The following FRMD4A variants were observed in gnomAD, a reference collection of about 807,000 sequenced individuals.
FRMD4A encodes FERM domain containing 4A, also known as FERM domain-containing protein 4A.
FRMD4A carries 29 observed loss-of-function variants against 129.1 expected under a neutral mutation model. The observed-to-expected ratio is 0.22, with a 90% CI of 0.17 to 0.31. The LOEUF is 0.31. FRMD4A is among the 10% of genes least tolerant of loss of function. The pLI is 1.00. For missense variants in FRMD4A, 1,272 were observed against 1,375.8 expected, an observed-to-expected ratio of 0.92 and a Z score of 1.19; for synonymous variants, 634 against 571.6, an observed-to-expected ratio of 1.11 and a Z score of -1.56.
intron 3 of FRMD4A, among the ~76,000 whole-genome samples, chr10:13,829,666 T>C (rs2093759304): frequency 1.3e-5 from 2 of 152,218 alleles, no homozygotes; most frequent in Non-Finnish European, 2.9e-5. Context: ...GTTTCAGGGC[T>C]GTCTTTCACC....
intron 3 of FRMD4A, among the ~76,000 whole-genome samples, chr10:13,853,697 G>T (rs781045657): frequency 1.6e-4 from 25 of 151,994 alleles, no homozygotes; most frequent in Non-Finnish European, 2.9e-4. Flanking sequence ...GCTGGGCATG[G>T]TGATGCAGGC....
At chr10:14,012,896 C>A (rs531553225) in intron 2 of FRMD4A, among the ~76,000 whole-genome samples, 1 of 152,168 alleles carries the variant, frequency 6.6e-6, no homozygotes, top group East Asian at 1.9e-4. Flanking sequence ...TAAATAAACT[C>A]ATTTTCATTG....
chr10:13,713,698 A>AGAGGAC lies in FRMD4A; in HGVS notation c.760-6586_760-6585insGTCCTC, dbSNP rs1473670309. On this transcript the variant is annotated intron_variant, in intron 12 of 24. Coordinates refer to ENST00000357447, the MANE Select transcript of FRMD4A (RefSeq NM_018027.5). ...CTGTGCTCTCAGAGGACTGGATCCC[A>AGAGGAC]TGTGCCCTGGTAAGGTTTTGCTATT... Among the ~76,000 whole-genome samples the AGAGGAC allele has an allele frequency of 4.6e-5, 7 of 150,834 alleles. No individual in the cohort carries two copies. In the East Asian group the frequency reaches 1.4e-3, roughly 29 times the overall value.
At chr10:13,707,906 C>T in intron 12 of FRMD4A, 1 of 985,104 alleles carries the variant, frequency 1.0e-6, no homozygotes, top group Non-Finnish European at 1.2e-6. Context: ...GAGAAGCTGA[C>T]TGTAATGTTT....
intron 2 of FRMD4A, among the ~76,000 whole-genome samples, chr10:14,149,513 A>AT (rs1840239248): frequency 6.6e-6 from 1 of 150,796 alleles, no homozygotes; most frequent in Non-Finnish European, 1.5e-5. Context: ...TAGTTTTTGT[A>AT]TTTTTTGTAG....
chr10:13,773,770 C>T (rs905309121), intron 6 of FRMD4A, among the ~76,000 whole-genome samples: 19 of 152,156 alleles, frequency 1.2e-4, no homozygotes, highest in African/African-American at 4.3e-4. Flanking sequence ...CCAGAAAGTG[C>T]GGGAAGAGCT....
intron 12 of FRMD4A, among the ~76,000 whole-genome samples, chr10:13,712,514 A>C (rs1163793963): frequency 7.2e-6 from 1 of 139,804 alleles, no homozygotes; most frequent in Non-Finnish European, 1.5e-5. Flanking sequence ...ACTCCATTTC[A>C]AAAAAAAAAA....
At chr10:14,081,674 C>T (rs954021181) in intron 2 of FRMD4A, among the ~76,000 whole-genome samples, 1 of 152,180 alleles carries the variant, frequency 6.6e-6, no homozygotes, top group Admixed American at 6.5e-5. Context: ...TTTTATCATG[C>T]AAAGCTCTGT....
intron 2 of FRMD4A, among the ~76,000 whole-genome samples, chr10:14,129,622 G>A (rs962104565): frequency 6.6e-5 from 10 of 152,008 alleles, no homozygotes; most frequent in East Asian, 1.9e-4. Flanking sequence ...ATCACTCTGG[G>A]AACAAAGGTC....
chr10:14,023,022 C>T (rs1419977808), intron 2 of FRMD4A, among the ~76,000 whole-genome samples: 1 of 152,166 alleles, frequency 6.6e-6, no homozygotes, highest in African/African-American at 2.4e-5. Flanking sequence ...CATCAGCCAC[C>T]ATCCCCACCA....
chr10:13,769,378 G>A (rs931255435), intron 6 of FRMD4A, among the ~76,000 whole-genome samples: 3 of 151,924 alleles, frequency 2.0e-5, no homozygotes, highest in African/African-American at 4.8e-5. Context: ...ACACCATCTC[G>A]GCTGACTGCA....
intron 2 of FRMD4A, among the ~76,000 whole-genome samples, chr10:14,074,129 C>T (rs150919465): frequency 1.8e-3 from 267 of 152,176 alleles, no homozygotes; most frequent in African/African-American, 6.1e-3. Flanking sequence ...TTTTTTGTTT[C>T]ATATGTAGTA....
intron 2 of FRMD4A, among the ~76,000 whole-genome samples, chr10:14,052,078 C>G (rs1207602400): frequency 6.6e-6 from 1 of 152,080 alleles, no homozygotes; most frequent in Non-Finnish European, 1.5e-5. Flanking sequence ...ACACCATGGG[C>G]CAATGGAAGC....
intron 2 of FRMD4A, among the ~76,000 whole-genome samples, chr10:14,128,619 A>G (rs1348126697): frequency 6.6e-6 from 1 of 152,202 alleles, no homozygotes; most frequent in Non-Finnish European, 1.5e-5. Context: ...AGCAAATCTA[A>G]GATCTAAGAT....
At chr10:14,187,182 G>C (rs1037753602) in intron 2 of FRMD4A, among the ~76,000 whole-genome samples, 2 of 151,486 alleles carry the variant, frequency 1.3e-5, no homozygotes, top group African/African-American at 4.9e-5. Flanking sequence ...GAGGGAGGGC[G>C]ACACTCTTCC....
chr10:14,078,033 C>A lies in FRMD4A; in HGVS notation c.46-219121G>T, dbSNP rs139507539. On this transcript the variant is annotated intron_variant, in intron 2 of 24. Transcript: ENST00000357447. ...ATTACATGATGGTGGACAATTTCAG[C>A]TTCAATTCACCTGATGATGACCCTG... Among the ~76,000 whole-genome samples the A allele has an allele frequency of 3.3e-3, 505 of 152,278 alleles. 14 individuals are homozygous for A. Among genetic ancestry groups the A allele is most frequent in the Non-Finnish European group, 6.5e-4 (44 of 68,026 alleles).
intron 2 of FRMD4A, among the ~76,000 whole-genome samples, chr10:14,242,034 T>A (rs1357687372): frequency 6.6e-6 from 1 of 152,188 alleles, no homozygotes; most frequent in East Asian, 1.9e-4. Flanking sequence ...GATATCAGCC[T>A]GGAGGAGGAC....
intron 2 of FRMD4A, among the ~76,000 whole-genome samples, chr10:13,898,108 C>G (rs1254565079): frequency 6.6e-6 from 1 of 151,968 alleles, no homozygotes; most frequent in Non-Finnish European, 1.5e-5. Flanking sequence ...TGCGGTGGCT[C>G]ATGCCTGTAA....
At chr10:13,759,636 C>T (rs10906467) in intron 8 of FRMD4A, among the ~76,000 whole-genome samples, 38,562 of 151,970 alleles carry the variant, frequency 0.25, 5,610 homozygotes, top group East Asian at 0.54. Context: ...TGGACTGGCA[C>T]TTATCAAAAC....
Sources: gnomAD v4.1 joint callset for allele counts (sites outside exome capture counted in the v4.1 genomes callset) on GRCh38, gnomAD v4.1.1 for gene constraint, MANE v1.5 for transcripts, NCBI Gene and HGNC (gene_info 2026-07-23, HGNC 2026-07-21) for gene names.